Variants in APOL1 observed in about 807,000 individuals in gnomAD.
APOL1 encodes the protein apolipoprotein L1.
In APOL1, 17 loss-of-function variants were observed where a neutral mutation model predicts 14.9. The observed-to-expected ratio is 1.14, with a 90% confidence interval of 0.78 to 1.71. APOL1 has a LOEUF of 1.71. APOL1 is among the 40% of genes most tolerant of loss of function. APOL1 has a pLI of 0.00. For missense variants in APOL1, 523 were observed against 485.9 expected (o/e 1.08, Z -0.72); for synonymous variants, 195 against 184.8 (o/e 1.05, Z -0.45).
chr22:36,263,656 C>T (rs140189796), intron 5 of APOL1, among the ~76,000 whole-genome samples: 1,907 of 152,326 alleles, frequency 0.013, 33 homozygotes, highest in Middle Eastern at 0.044. Context: ...AAAACACATG[C>T]GGTGTTGCCA....
intron 4 of APOL1, chr22:36,259,632 T>TC (rs1569533921): frequency 1.2e-5 from 15 of 1,266,222 alleles, no homozygotes; most frequent in Non-Finnish European, 1.6e-5. Flanking sequence ...GGAAAAACTC[T>TC]CCCCCCAAAA....
rs1050362287 is a variant in APOL1 at position 36,259,996 on chromosome 22, G to C, written c.188-1600G>C. On this transcript the variant is annotated intron_variant, in intron 4 of 5. Coordinates refer to ENST00000397278, the MANE Select transcript of APOL1 (RefSeq NM_003661.4). ...GTTTTAATGTTAAGGAGTTTAAGGAGAATGTCAAAGAAACATTGGCCTTGG... is the reference window on the plus strand; with the variant it reads ...GTTTTAATGTTAAGGAGTTTAAGGACAATGTCAAAGAAACATTGGCCTTGG... 1.4e-5 allele frequency: 16 copies of C among 1,126,836 alleles called. No homozygotes were observed. In the African/African-American group the frequency reaches 2.5e-4, roughly 17 times the overall value. 69.8% of individuals were successfully genotyped at this position (1,126,836 alleles called of 1,614,324 possible).
intron 4 of APOL1, among the ~76,000 whole-genome samples, chr22:36,260,831 C>A (rs115228060): frequency 6.6e-6 from 1 of 152,208 alleles, no homozygotes; most frequent in African/African-American, 2.4e-5. Flanking sequence ...ACAATACTCA[C>A]CCCTGCTACG....
At chr22:36,256,954 A>G (rs2015900663) in intron 2 of APOL1, 129 bp from the exon 3 acceptor site, 2 of 934,728 alleles carry the variant, frequency 2.1e-6, no homozygotes, top group East Asian at 2.6e-5. Context: ...GTTATCACAC[A>G]TGCTCCCAGG....
At chr22:36,256,282 G>C (rs1223092417) in intron 2 of APOL1, among the ~76,000 whole-genome samples, 1 of 152,192 alleles carries the variant, frequency 6.6e-6, no homozygotes, top group Non-Finnish European at 1.5e-5. Flanking sequence ...GGTACAATTT[G>C]CCTGCAGTGT....
At chr22:36,261,749 G>T (rs1219356454) in intron 5 of APOL1, 27 bp downstream of exon 5, 2 of 1,601,442 alleles carry the variant, frequency 1.2e-6, no homozygotes, top group South Asian at 2.2e-5. Context: ...TACCTCCATT[G>T]GGCACTCCGG....
At position 36,265,849 on chromosome 22, in the gene APOL1, TG is replaced by T. The variant is rs1460934909; in HGVS notation, c.1015del (p.Ala339ProfsTer3). ...EMSRGVKLTD[V>X]APVSFFLVLD... ...AGCAGAGGAGTCAAGCTCACGGATG[TG>T]GCCCCTGTAAGCTTCTTTCTTGTGC... On this transcript the variant is annotated frameshift_variant, in exon 6 of 6. Coordinates refer to ENST00000397278, the MANE Select transcript of APOL1 (RefSeq NM_003661.4). LOFTEE classifies it low-confidence loss of function (END_TRUNC). 1.2e-6 allele frequency: 2 copies of T among 1,614,090 alleles called. No individual in the cohort carries two copies. Among genetic ancestry groups the T allele is most frequent in the Non-Finnish European group, 1.7e-6 (2 of 1,180,054 alleles).
chr22:36,254,106 C>T (rs2015779218), intron 1 of APOL1: 2 of 1,231,224 alleles, frequency 1.6e-6, no homozygotes, highest in African/African-American at 3.0e-5. Context: ...ATTAGAGTCA[C>T]AAGGGCAGAT....
chr22:36,261,829 G>C, intron 5 of APOL1, 107 bp downstream of exon 5: 1 of 1,398,426 alleles, frequency 7.2e-7, no homozygotes, highest in Non-Finnish European at 9.7e-7. Context: ...AGCCCCCTCT[G>C]CTGGGCTTGA....
chr22:36,260,794 G>T (rs1214775297), intron 4 of APOL1, among the ~76,000 whole-genome samples: 1 of 152,124 alleles, frequency 6.6e-6, no homozygotes, highest in Admixed American at 6.5e-5. Flanking sequence ...TACATTAAGG[G>T]ATATATATTT....
chr22:36,253,781 A>T (rs533311122), intron 1 of APOL1: 16 of 654,396 alleles, frequency 2.4e-5, no homozygotes, highest in Non-Finnish European at 4.0e-5. Flanking sequence ...CAGGAGGCTG[A>T]GCAGGTAGAT....
In APOL1 at chr22:36,267,512, C is replaced by T. The variant is rs2146316241; in HGVS notation, c.*1479C>T. ...ACCTGTGTGTAAGTCCCAATAAACT[C>T]ACCTACTCATCAAGCTGGACTTGTT... On this transcript the variant is annotated 3_prime_UTR_variant, in exon 6 of 6. Transcript: ENST00000397278. 1 of 152,364 alleles carries T rather than the reference C, an allele frequency of 6.6e-6. No homozygotes were observed. The highest frequency in any genetic ancestry group is 1.5e-5 in the Non-Finnish European group (1 of 68,042). 9.4% of individuals were successfully genotyped at this position (152,364 alleles called of 1,614,324 possible).
At chr22:36,257,579 C>T in intron 4 of APOL1, 172 bp downstream of exon 4, 6 of 672,142 alleles carry the variant, frequency 8.9e-6, no homozygotes, top group Non-Finnish European at 1.6e-5. Flanking sequence ...GTCTGGGGGT[C>T]ATCTGCATCC....
chr22:36,260,068 C>T (rs1012380362), intron 4 of APOL1: 77 of 652,428 alleles, frequency 1.2e-4, no homozygotes, highest in African/African-American at 1.9e-4. Flanking sequence ...CGGTGACTCT[C>T]GCTGTCTGGA....
In APOL1 at chr22:36,265,523, C is replaced by G. The variant is rs2016215117; in HGVS notation, c.687C>G (p.Asp229Glu). 1 of 1,610,366 alleles carries G rather than the reference C, an allele frequency of 6.2e-7. No individual in the cohort carries two copies. Among genetic ancestry groups the G allele is most frequent in the Non-Finnish European group, 8.5e-7 (1 of 1,178,628 alleles). Residue 229 changes from aspartate (D) to glutamate (E), a missense_variant, in exon 6 of 6, where the codon GAC (aspartate) becomes GAG (glutamate). Asp to Glu is a conservative substitution (Grantham distance 45). Coordinates refer to ENST00000397278, the MANE Select transcript of APOL1 (RefSeq NM_003661.4). ...CCGGGATTACCAGCAGTACCATGGACTACGGAAAGAAGTGGTGGACACAAG... is the reference window on the plus strand; with the variant it reads ...CCGGGATTACCAGCAGTACCATGGAGTACGGAAAGAAGTGGTGGACACAAG... ...ALTGITSSTMDYGKKWWTQAQ... is the reference protein window; with the variant it reads ...ALTGITSSTMEYGKKWWTQAQ...
At chr22:36,264,328 G>A (rs186752288) in intron 5 of APOL1, among the ~76,000 whole-genome samples, 5 of 152,216 alleles carry the variant, frequency 3.3e-5, no homozygotes, top group East Asian at 1.9e-4. Flanking sequence ...ATACGGTCCC[G>A]TGGCCAAATC....
At chr22:36,258,153 C>G (rs2015954611) in intron 4 of APOL1, among the ~76,000 whole-genome samples, 1 of 152,238 alleles carries the variant, frequency 6.6e-6, no homozygotes, top group South Asian at 2.1e-4. Context: ...ACCCCGTCCC[C>G]CCCCAGCTGT....
intron 2 of APOL1, among the ~76,000 whole-genome samples, 177 bp downstream of exon 2, chr22:36,255,176 G>A (rs1269159910): frequency 1.3e-5 from 2 of 152,256 alleles, no homozygotes; most frequent in Non-Finnish European, 2.9e-5. Flanking sequence ...TCCTAGTTGA[G>A]GCTAACGGTC....
chr22:36,254,862 C>CAAA, intron 1 of APOL1, 75 bp from the exon 2 acceptor site: 1 of 1,415,030 alleles, frequency 7.1e-7, no homozygotes, highest in African/African-American at 1.4e-5. Flanking sequence ...GACTCCATTT[C>CAAA]AAAAAAAAAA....
Sources: allele counts gnomAD v4.1 joint callset (sites outside exome capture counted in the v4.1 genomes callset), GRCh38; gene constraint gnomAD v4.1.1; transcripts MANE v1.5; gene names NCBI Gene and HGNC (gene_info 2026-07-23, HGNC 2026-07-21).